Variants in DCC observed in about 807,000 individuals in gnomAD.
DCC encodes DCC netrin 1 receptor.
Under a neutral mutation model 172.5 loss-of-function variants are expected in DCC, and 58 were observed. The observed-to-expected ratio is 0.34, with a 90% CI of 0.27 to 0.42. The LOEUF is 0.42. Ranked by LOEUF, DCC falls within the 10% of genes least tolerant of loss-of-function variation. The pLI is 1.00. For synonymous variants in DCC, 709 were observed against 644.5 expected, an observed-to-expected ratio of 1.10 and a Z score of -1.52; for missense variants, 1,740 against 1,791.0, an observed-to-expected ratio of 0.97 and a Z score of 0.51.
At chr18:52,946,628 T>C (rs773588346) in intron 5 of DCC, among the ~76,000 whole-genome samples, 1 of 152,182 alleles carries the variant, frequency 6.6e-6, no homozygotes, top group Non-Finnish European at 1.5e-5. Context: ...TCCATGGTGA[T>C]AGCAGAAATT....
chr18:52,776,885 CAG>C (rs1384329556), intron 2 of DCC, among the ~76,000 whole-genome samples: 7 of 152,082 alleles, frequency 4.6e-5, no homozygotes, highest in African/African-American at 1.7e-4. Flanking sequence ...CACAAGGGCT[CAG>C]AAAGTGTCTC....
chr18:52,739,282 T>C (rs1457372997), intron 1 of DCC, among the ~76,000 whole-genome samples: 1 of 152,192 alleles, frequency 6.6e-6, no homozygotes, highest in Non-Finnish European at 1.5e-5. Context: ...TCCATTTTTT[T>C]TAAACATATG....
chr18:52,377,534 G>A (rs1985399287), intron 1 of DCC, among the ~76,000 whole-genome samples: 1 of 152,072 alleles, frequency 6.6e-6, no homozygotes, highest in African/African-American at 2.4e-5. Flanking sequence ...TTTAGATATT[G>A]TTGTCTTTTG....
At chr18:53,120,667 A>G (rs557216881) in intron 7 of DCC, among the ~76,000 whole-genome samples, 2 of 151,944 alleles carry the variant, frequency 1.3e-5, no homozygotes, top group South Asian at 4.1e-4. Flanking sequence ...AAGCTATGAT[A>G]TATCTTGCTG....
chr18:52,521,548 G>T (rs2031817911), intron 1 of DCC, among the ~76,000 whole-genome samples: 1 of 152,062 alleles, frequency 6.6e-6, no homozygotes. Context: ...CCATCACTTT[G>T]GGAGTTAGAG....
At chr18:52,637,464 G>GA (rs895087910) in intron 1 of DCC, among the ~76,000 whole-genome samples, 135 of 150,352 alleles carry the variant, frequency 9.0e-4, no homozygotes, top group African/African-American at 2.7e-3. Context: ...ATAGCCTAAA[G>GA]AAAAAAAAAT....
At chr18:52,776,288 AG>A (rs754074467) in intron 2 of DCC, among the ~76,000 whole-genome samples, 8,034 of 152,152 alleles carry the variant, frequency 0.053, 286 homozygotes, top group South Asian at 0.16. Flanking sequence ...AAACTCCAAA[AG>A]AAGAACAAAA....
intron 5 of DCC, among the ~76,000 whole-genome samples, chr18:53,017,977 A>C (rs545229867): frequency 6.6e-5 from 10 of 152,272 alleles, no homozygotes; most frequent in African/African-American, 2.4e-4. Flanking sequence ...TTATCAATGC[A>C]CCAACACAAT....
At chr18:52,713,246 A>C (rs2036324885) in intron 1 of DCC, among the ~76,000 whole-genome samples, 4 of 152,198 alleles carry the variant, frequency 2.6e-5, no homozygotes, top group Admixed American at 2.6e-4. Flanking sequence ...GAAAAAGGAC[A>C]ATGTTTAACC....
intron 7 of DCC, among the ~76,000 whole-genome samples, chr18:53,140,195 A>G (rs2043809288): frequency 1.3e-5 from 2 of 152,178 alleles, no homozygotes; most frequent in Non-Finnish European, 2.9e-5. Context: ...GAGTGTTTCT[A>G]TAAATAAAAC....
intron 12 of DCC, among the ~76,000 whole-genome samples, chr18:53,288,906 T>C (rs551289057): frequency 6.6e-6 from 1 of 152,258 alleles, no homozygotes; most frequent in East Asian, 1.9e-4. Flanking sequence ...AATGAGTCTG[T>C]GATTTTTAAT....
intron 8 of DCC, among the ~76,000 whole-genome samples, chr18:53,174,511 A>G (rs1036943687): frequency 2.0e-5 from 3 of 149,746 alleles, no homozygotes; most frequent in Non-Finnish European, 4.5e-5. Flanking sequence ...CCGATCCCAC[A>G]GAAATACAAA....
intron 1 of DCC, among the ~76,000 whole-genome samples, chr18:52,576,612 G>A (rs1009696561): frequency 7.9e-5 from 12 of 151,990 alleles, no homozygotes; most frequent in African/African-American, 2.2e-4. Flanking sequence ...TGTGGATCAC[G>A]AGGTCAGGAG....
intron 1 of DCC, among the ~76,000 whole-genome samples, chr18:52,449,825 C>A (rs1469177655): frequency 6.6e-6 from 1 of 152,184 alleles, no homozygotes; most frequent in African/African-American, 2.4e-5. Context: ...AGTTCCCCTG[C>A]ACATGCGCTC....
intron 1 of DCC, among the ~76,000 whole-genome samples, chr18:52,740,567 A>G (rs1029098642): frequency 6.6e-6 from 1 of 152,206 alleles, no homozygotes; most frequent in African/African-American, 2.4e-5. Context: ...CTGAATTTTT[A>G]AGGTTTTCCC....
At chr18:52,653,610 G>C (rs932715296) in intron 1 of DCC, among the ~76,000 whole-genome samples, 1 of 152,152 alleles carries the variant, frequency 6.6e-6, no homozygotes, top group Non-Finnish European at 1.5e-5. Flanking sequence ...CCAGAGGAGA[G>C]GACATAAAAT....
intron 22 of DCC, among the ~76,000 whole-genome samples, chr18:53,449,499 G>T (rs2045378822): frequency 6.6e-6 from 1 of 152,162 alleles, no homozygotes; most frequent in Non-Finnish European, 1.5e-5. Flanking sequence ...GCTTTTAGGT[G>T]GGATTCATAC....
At chr18:52,745,778 A>G (rs190448858) in intron 1 of DCC, among the ~76,000 whole-genome samples, 2 of 152,226 alleles carry the variant, frequency 1.3e-5, no homozygotes, top group East Asian at 1.9e-4. Context: ...TCCTTAAGCA[A>G]CCTCTGTCTA....
rs377574404 is a variant in DCC at position 53,136,183 on chromosome 18, G to A, written c.1262-21173G>A. Among the ~76,000 whole-genome samples the A allele has an allele frequency of 5.3e-3, 561 of 105,982 alleles. 2 individuals carry two copies. The highest frequency in any genetic ancestry group is 0.016 in the African/African-American group (543 of 34,336). The allele number at this position is 105,982 out of a possible 152,430, so 69.5% of individuals were successfully genotyped here. A position where few individuals can be genotyped will look rare whatever the true frequency, so the allele number is the denominator to read the frequency against. ...TATTATATGGGTATATTCTTTATGGGCATGTGATTTTATCTATCTATCTAT... is the reference window on the plus strand; with the variant it reads ...TATTATATGGGTATATTCTTTATGGACATGTGATTTTATCTATCTATCTAT... On this transcript the variant is annotated intron_variant, in intron 7 of 28. Transcript: ENST00000442544.
Sources: gnomAD v4.1 joint callset for allele counts (sites outside exome capture counted in the v4.1 genomes callset) on GRCh38, gnomAD v4.1.1 for gene constraint, MANE v1.5 for transcripts, NCBI Gene and HGNC (gene_info 2026-07-23, HGNC 2026-07-21) for gene names.